Variants in CHRNB4 observed in about 807,000 individuals in gnomAD.
The protein encoded by CHRNB4 is neuronal acetylcholine receptor subunit beta-4.
Under a neutral mutation model 40.4 loss-of-function variants are expected in CHRNB4, and 23 were observed. That is an observed-to-expected ratio of 0.57 (90% confidence interval 0.41 to 0.81). The LOEUF is 0.81. Ranked by LOEUF, CHRNB4 falls within the 30% of genes least tolerant of loss-of-function variation. The pLI is 0.00. For synonymous variants in CHRNB4, 285 were observed against 274.4 expected (o/e 1.04, Z -0.38); for missense variants, 568 against 670.6 (o/e 0.85, Z 1.69).
At chr15:78,646,495 T>C (rs1567137110) in intron 7 of CHRNB4, among the ~76,000 whole-genome samples, 1 of 152,196 alleles carries the variant, frequency 6.6e-6, no homozygotes, top group Non-Finnish European at 1.5e-5. Context: ...TGCCATAGAA[T>C]GGGTGGCTTA....
intron 1 of CHRNB4, among the ~76,000 whole-genome samples, chr15:78,637,136 T>G (rs11072768): frequency 0.62 from 94,853 of 152,048 alleles, 32,598 homozygotes; most frequent in Non-Finnish European, 0.81. Context: ...AGAGCCATAT[T>G]CAAGACCCAG....
Position 78,647,653 on chromosome 15 carries a change from T to C in CHRNB4, c.46+1726A>G, listed in dbSNP as rs1159099647. Reference sequence around the variant, plus strand: ...CAAGGTCAGGAGATCGAGACCATCCTGGCTAACATGGTGAAACCCCGTCTC... The same window carrying C: ...CAAGGTCAGGAGATCGAGACCATCCCGGCTAACATGGTGAAACCCCGTCTC... On this transcript the variant is annotated intron_variant and NMD_transcript_variant, in intron 7 of 11. Transcript: ENST00000559849. 6.4e-5 allele frequency among the ~76,000 whole-genome samples: 9 copies of C among 141,660 alleles called. No individual in the cohort carries two copies. In the East Asian group the frequency reaches 1.8e-3, roughly 29 times the overall value. 92.9% of individuals were successfully genotyped at this position (141,660 alleles called of 152,430 possible).
At chr15:78,632,133 TTTTC>T (rs1422889160) in intron 2 of CHRNB4, among the ~76,000 whole-genome samples, 42 of 139,708 alleles carry the variant, frequency 3.0e-4, no homozygotes, top group South Asian at 5.1e-4. Context: ...TGCCTTCTCT[TTTTC>T]TTTCTTTCTT....
At chr15:78,646,309 T>C (rs1052484363) in intron 7 of CHRNB4, among the ~76,000 whole-genome samples, 13 of 152,170 alleles carry the variant, frequency 8.5e-5, no homozygotes, top group Admixed American at 6.6e-4. Context: ...GACAATTGAT[T>C]ATCCATATGG....
Position 78,660,059 on chromosome 15 carries a change from T to G in CHRNB4, c.-851+453A>C, listed in dbSNP as rs145434285. ...CCTTCTCTACTAATAATACAAAAAT[T>G]AGCCAGGCGTGTTGGTGTGCACCTG... On this transcript the variant is annotated intron_variant and NMD_transcript_variant, in intron 1 of 11. Transcript: ENST00000559849. Among the ~76,000 whole-genome samples the G allele has an allele frequency of 8.8e-3, 1,345 of 152,140 alleles. 32 individuals carry two copies. The highest frequency in any genetic ancestry group is 0.084 in the East Asian group (433 of 5,162).
intron 2 of CHRNB4, among the ~76,000 whole-genome samples, chr15:78,632,247 CTCTCTCTCTTTCTT>C (rs1367475873): frequency 5.7e-5 from 5 of 87,024 alleles, no homozygotes; most frequent in African/African-American, 3.2e-4. Context: ...CTCTCTCTCT[CTCTCTCTCTTTCTT>C]TCTTTCTTTC....
At chr15:78,639,109 A>G (rs2054016927) in intron 1 of CHRNB4, among the ~76,000 whole-genome samples, 1 of 152,244 alleles carries the variant, frequency 6.6e-6, no homozygotes, top group South Asian at 2.1e-4. Flanking sequence ...TATCCAATCT[A>G]AAAATTTGTA....
chr15:78,633,533 C>G (rs2141380735), intron 2 of CHRNB4, among the ~76,000 whole-genome samples: 1 of 152,278 alleles, frequency 6.6e-6, no homozygotes, highest in South Asian at 2.1e-4. Context: ...GGCAATTTGT[C>G]TCATTTTGAT....
At chr15:78,640,235 T>C (rs1451797075) in intron 1 of CHRNB4, among the ~76,000 whole-genome samples, 3 of 152,160 alleles carry the variant, frequency 2.0e-5, no homozygotes, top group Non-Finnish European at 4.4e-5. Context: ...CTAGGCTGAC[T>C]GGGGCTTGGA....
chr15:78,655,302 G>C (rs958942367), intron 5 of CHRNB4, among the ~76,000 whole-genome samples: 2 of 151,008 alleles, frequency 1.3e-5, no homozygotes, highest in African/African-American at 2.4e-5. Context: ...CAACCCCCAG[G>C]CTCAAGCGAT....
Position 78,629,894 on chromosome 15 carries a change from G to A in CHRNB4, c.411C>T (p.Ser137=). 1 of 1,611,272 alleles carries A rather than the reference G, an allele frequency of 6.2e-7. No individual in the cohort carries two copies. Among genetic ancestry groups the A allele is most frequent in the Non-Finnish European group, 8.5e-7 (1 of 1,179,528 alleles). ...GGGGCAGCCACAGGACGCTGCCGTT[G>A]GACCGGACTATCAAGTTGGTGTAGA... The part of the protein sequence containing the change: ...VSVYTNLIVR[S]NGSVLWLPPA... Residue 137 remains serine, a synonymous_variant, in exon 5 of 6, where the codon TCC becomes TCT. Transcript: ENST00000261751. The surrounding 1 kb of genome is among the most constrained non-coding windows in gnomAD (Gnocchi z 6.8).
At chr15:78,654,684 C>T (rs1433674733) in intron 5 of CHRNB4, among the ~76,000 whole-genome samples, 2 of 152,154 alleles carry the variant, frequency 1.3e-5, no homozygotes, top group Non-Finnish European at 2.9e-5. Flanking sequence ...AACTACAGCA[C>T]TCATCTAAGG....
intron 5 of CHRNB4, 73 bp from the exon 6 acceptor site, chr15:78,625,364 A>G: frequency 1.4e-6 from 2 of 1,406,040 alleles, no homozygotes; most frequent in South Asian, 2.9e-5. Flanking sequence ...TCAGGCCCTT[A>G]CTCTCTGGCC....
chr15:78,640,947 C>G, intron 1 of CHRNB4, 132 bp downstream of exon 1: 1 of 1,051,808 alleles, frequency 9.5e-7, no homozygotes, highest in Non-Finnish European at 1.4e-6. Flanking sequence ...GCCCACGCCC[C>G]CATCTGGCCG....
upstream of CHRNB4, among the ~76,000 whole-genome samples, chr15:78,643,993 C>CAAAAAAAAAAA (rs34477808): frequency 6.0e-5 from 7 of 115,944 alleles, no homozygotes; most frequent in East Asian, 1.3e-3. Flanking sequence ...ACTAAAAATA[C>CAAAAAAAAAAA]AAAAAAAAAA....
At chr15:78,634,477 C>A (rs1355306203) in intron 2 of CHRNB4, 2 of 314,366 alleles carry the variant, frequency 6.4e-6, no homozygotes, top group Non-Finnish European at 6.4e-6. Flanking sequence ...CAGCCCTCCC[C>A]ATCCTGGGGC....
chr15:78,643,966 G>C (rs1017891544), upstream of CHRNB4, among the ~76,000 whole-genome samples: 1 of 148,252 alleles, frequency 6.7e-6, no homozygotes, highest in African/African-American at 2.5e-5. Flanking sequence ...TGGCTAACAC[G>C]GTGAAACCTC....
intron 1 of CHRNB4, among the ~76,000 whole-genome samples, chr15:78,637,692 T>C (rs1323473912): frequency 1.3e-5 from 2 of 152,176 alleles, no homozygotes; most frequent in Non-Finnish European, 2.9e-5. Context: ...TGGGCTGGAC[T>C]CCTGGTTGTG....
Position 78,629,779 on chromosome 15 carries a change from A to G in CHRNB4, c.526T>C (p.Tyr176His). 6.2e-7 allele frequency: 1 copy of G among 1,614,144 alleles called. No homozygotes were observed. Among genetic ancestry groups the G allele is most frequent in the Non-Finnish European group, 8.5e-7 (1 of 1,180,034 alleles). ...NCTLKFRSWT[Y>H]DHTEIDMVLM... ...ACCATGTCTATCTCCGTGTGGTCAT[A>G]GGTCCAGGAGCGGAACTTGAGGGTG... The change falls in exon 5 of 6, where the codon TAT becomes CAT. Residue 176 changes from tyrosine to histidine, a missense_variant. Physicochemically the swap from Tyr to His is moderately conservative, Grantham distance 83. Coordinates refer to ENST00000261751, the MANE Select transcript of CHRNB4 (RefSeq NM_000750.5). This position sits in a 1 kb window ranked among gnomAD's most constrained non-coding sequence, Gnocchi z 6.8.
Sources: gnomAD v4.1 joint callset for allele counts (sites outside exome capture counted in the v4.1 genomes callset) on GRCh38, gnomAD v4.1.1 for gene constraint, Gnocchi (gnomAD v3.1) non-coding constraint, MANE v1.5 for transcripts, NCBI Gene and HGNC (gene_info 2026-07-23, HGNC 2026-07-21) for gene names.